NR3C1: variants seen among roughly 807,000 people sequenced by gnomAD.
NR3C1 encodes glucocorticoid receptor.
A neutral mutation model predicts 74.0 loss-of-function variants in NR3C1; 14 were observed. The ratio of observed to expected loss-of-function variants is 0.19; its 90% CI spans 0.12 to 0.30. The LOEUF (loss-of-function observed/expected upper bound fraction) is 0.30. NR3C1 is among the 10% of genes least tolerant of loss of function. The pLI is 1.00. For synonymous variants in NR3C1, 308 were observed against 332.5 expected (o/e 0.93, Z 0.80); for missense variants, 695 against 909.8 (o/e 0.76, Z 3.04).
At chr5:143,356,161 T>TA (rs1287889212) in intron 2 of NR3C1, among the ~76,000 whole-genome samples, 3 of 152,162 alleles carry the variant, frequency 2.0e-5, no homozygotes. Context: ...TAGACAAACT[T>TA]ACAGTAATAG....
At chr5:143,412,650 A>G (rs201754566) in intron 1 of NR3C1, among the ~76,000 whole-genome samples, 133 of 152,292 alleles carry the variant, frequency 8.7e-4, no homozygotes, top group Non-Finnish European at 1.5e-3. Flanking sequence ...TGCTTCCTCC[A>G]TTATAACCTA....
intron 1 of NR3C1, among the ~76,000 whole-genome samples, chr5:143,424,996 T>C (rs992045502): frequency 6.6e-6 from 1 of 152,206 alleles, no homozygotes; most frequent in Non-Finnish European, 1.5e-5. Context: ...ACTACTTACA[T>C]ACTACAAAGC....
intron 2 of NR3C1, 105 bp downstream of exon 2, chr5:143,399,551 A>C (rs1483402565): frequency 2.8e-5 from 26 of 922,232 alleles, no homozygotes; most frequent in Non-Finnish European, 3.4e-6. Context: ...TCATATAAAA[A>C]AGCACATGAA....
chr5:143,303,823 A>G (rs1819010750), intron 4 of NR3C1, among the ~76,000 whole-genome samples: 2 of 151,784 alleles, frequency 1.3e-5, no homozygotes, highest in Admixed American at 1.3e-4. Flanking sequence ...CAAAAAAAAT[A>G]ATGATCATCT....
chr5:143,412,832 C>T (rs903007544), intron 1 of NR3C1, among the ~76,000 whole-genome samples: 1 of 152,208 alleles, frequency 6.6e-6, no homozygotes, highest in African/African-American at 2.4e-5. Flanking sequence ...GAAAGATTCT[C>T]AGCTATACAG....
At chr5:143,358,336 A>T (rs975658123) in intron 2 of NR3C1, among the ~76,000 whole-genome samples, 1 of 152,210 alleles carries the variant, frequency 6.6e-6, no homozygotes, top group African/African-American at 2.4e-5. Flanking sequence ...TTTCCACAGG[A>T]GTAACGTATT....
intron 2 of NR3C1, among the ~76,000 whole-genome samples, chr5:143,367,063 C>T (rs1003984748): frequency 2.6e-5 from 4 of 152,044 alleles, no homozygotes; most frequent in South Asian, 2.1e-4. Context: ...GGATTATAAA[C>T]CATAACCAAG....
At chr5:143,324,047 GTGTC>G (rs1250233581) in intron 2 of NR3C1, among the ~76,000 whole-genome samples, 1 of 152,192 alleles carries the variant, frequency 6.6e-6, no homozygotes, top group Non-Finnish European at 1.5e-5. Context: ...CTGGCATTGA[GTGTC>G]TGTGGCTTTT....
intron 2 of NR3C1, among the ~76,000 whole-genome samples, chr5:143,398,318 T>C (rs1377660588): frequency 6.6e-6 from 1 of 151,122 alleles, no homozygotes; most frequent in Non-Finnish European, 1.5e-5. Context: ...GATTAGGAGG[T>C]AGTTCACATT....
In NR3C1 at chr5:143,403,396, A is replaced by G. The variant is rs1840728078; in HGVS notation, c.-199T>C. 1 of 985,260 alleles carries G rather than the reference A, an allele frequency of 1.0e-6. No homozygotes were observed. Among genetic ancestry groups the G allele is most frequent in the Non-Finnish European group, 1.2e-6 (1 of 829,948 alleles). The allele number at this position is 985,260 out of a possible 1,614,324, so 61.0% of individuals were successfully genotyped here. On this transcript the variant is annotated 5_prime_UTR_variant, in exon 1 of 9. An upstream start codon of the reference 5' UTR is lost. Transcript: ENST00000394464. ...GAGCCCCTATTTAAGAAAGTCTCCC[A>G]TTGCCCAGCTGACAAGCCAGCCCTC...
rs199912942 is a variant in NR3C1 at position 143,313,545 on chromosome 5, G to GA, written c.1351+456dup. Among the ~76,000 whole-genome samples the GA allele has an allele frequency of 7.2e-4, 104 of 145,034 alleles. 1 individual carries two copies. The highest frequency in any genetic ancestry group is 2.0e-3 in the African/African-American group (78 of 39,560). On this transcript the variant is annotated intron_variant, in intron 3 of 8. Transcript: ENST00000394464. ...CTTAGCACAGTGCCCTGGCTTAATA[G>GA]AAAAAAAAAATGAATAAGAAATGAA...
At chr5:143,354,531 G>A (rs1035543808) in intron 2 of NR3C1, among the ~76,000 whole-genome samples, 1 of 152,158 alleles carries the variant, frequency 6.6e-6, no homozygotes. Context: ...CAGGAAGAGG[G>A]AGACAGACAG....
intron 1 of NR3C1, among the ~76,000 whole-genome samples, chr5:143,419,999 G>A (rs572747450): frequency 6.6e-6 from 1 of 152,230 alleles, no homozygotes; most frequent in East Asian, 1.9e-4. Flanking sequence ...GATGTTCCTT[G>A]CTGAGAAAAA....
intron 2 of NR3C1, among the ~76,000 whole-genome samples, chr5:143,322,194 G>A (rs1166844491): frequency 6.6e-6 from 1 of 152,172 alleles, no homozygotes; most frequent in Admixed American, 6.5e-5. Flanking sequence ...AGCATTTACA[G>A]ATGAAGAAAC....
At position 143,332,225 on chromosome 5, in the gene NR3C1, A is replaced by G. The variant is rs569899949; in HGVS notation, c.1185-18057T>C. ...CAGAACATTAAAACAATATATCACA[A>G]CACAGACTGTTAAATATTAGGTGGA... is the stretch of plus-strand genomic sequence containing the variant. On this transcript the variant is annotated intron_variant, in intron 2 of 8. Coordinates refer to ENST00000394464, the MANE Select transcript of NR3C1 (RefSeq NM_000176.3). Among the ~76,000 whole-genome samples, 16 of 152,252 alleles carry G rather than the reference A, an allele frequency of 1.1e-4. No individual in the cohort carries two copies. The South Asian group carries it at 1.9e-3, about 18-fold the overall frequency.
At chr5:143,284,467 A>G (rs1442081976) in intron 7 of NR3C1, among the ~76,000 whole-genome samples, 3 of 123,156 alleles carry the variant, frequency 2.4e-5, no homozygotes, top group Admixed American at 1.6e-4. Flanking sequence ...GGTTAATTTT[A>G]CACATTACTA....
At chr5:143,433,463 T>TATAATTTATTTATTTAAA (rs1751961178) in intron 1 of NR3C1, among the ~76,000 whole-genome samples, 1 of 146,826 alleles carries the variant, frequency 6.8e-6, no homozygotes, top group African/African-American at 2.5e-5. Context: ...TATATATATA[T>TATAATTTATTTATTTAAA]ATATATATTT....
intron 2 of NR3C1, among the ~76,000 whole-genome samples, chr5:143,319,318 T>C (rs1420916915): frequency 6.6e-6 from 1 of 152,174 alleles, no homozygotes; most frequent in Non-Finnish European, 1.5e-5. Flanking sequence ...TGGTAAACTA[T>C]TACCCAAATG....
chr5:143,383,635 T>C (rs1375705373), intron 2 of NR3C1, among the ~76,000 whole-genome samples: 2 of 152,160 alleles, frequency 1.3e-5, no homozygotes, highest in East Asian at 1.9e-4. Context: ...TGGCACTAAA[T>C]TGGTCTTGAA....
Sources: allele counts gnomAD v4.1 joint callset (sites outside exome capture counted in the v4.1 genomes callset), GRCh38; gene constraint gnomAD v4.1.1; transcripts MANE v1.5; gene names NCBI Gene and HGNC (gene_info 2026-07-23, HGNC 2026-07-21).